Variants in EPB41L3 observed in about 807,000 individuals in gnomAD.
EPB41L3 encodes band 4.1-like protein 3.
In EPB41L3, 57 loss-of-function variants were observed where a neutral mutation model predicts 127.1. The ratio of observed to expected loss-of-function variants is 0.45; its 90% CI spans 0.36 to 0.56. The LOEUF is 0.56. Ranked by LOEUF, EPB41L3 falls within the 20% of genes least tolerant of loss-of-function variation. EPB41L3 has a pLI of 0.00. For missense variants in EPB41L3, 1,273 were observed against 1,372.2 expected (o/e 0.93, Z 1.14); for synonymous variants, 572 against 549.5 (o/e 1.04, Z -0.57).
chr18:5,608,701 A>T (rs2094691581), intron 3 of EPB41L3, among the ~76,000 whole-genome samples: 1 of 152,168 alleles, frequency 6.6e-6, no homozygotes, highest in South Asian at 2.1e-4. Context: ...TTTTCAGGGT[A>T]AATATCCAGG....
At chr18:5,491,492 A>C (rs2090590201) in intron 1 of EPB41L3, among the ~76,000 whole-genome samples, 1 of 152,260 alleles carries the variant, frequency 6.6e-6, no homozygotes, top group Non-Finnish European at 1.5e-5. Context: ...GCAGAGAGCC[A>C]GCAGTACACA....
chr18:5,454,209 GTTT>G (rs558597098), intron 3 of EPB41L3, among the ~76,000 whole-genome samples: 3 of 116,384 alleles, frequency 2.6e-5, no homozygotes, highest in African/African-American at 6.2e-5. Context: ...TTGTTTCCTT[GTTT>G]TTTTTTTTTT....
At chr18:5,533,894 G>A (rs902040411) in intron 1 of EPB41L3, among the ~76,000 whole-genome samples, 1 of 152,202 alleles carries the variant, frequency 6.6e-6, no homozygotes. Flanking sequence ...GCCGGGCGCC[G>A]TGGCTGACGC....
chr18:5,436,051 AAT>A (rs1390015247), intron 6 of EPB41L3, among the ~76,000 whole-genome samples: 3 of 152,200 alleles, frequency 2.0e-5, no homozygotes. Flanking sequence ...CCTACATAAA[AAT>A]ATGTTGATTT....
intron 3 of EPB41L3, among the ~76,000 whole-genome samples, chr18:5,603,861 G>A (rs956747239): frequency 6.6e-5 from 10 of 152,050 alleles, no homozygotes; most frequent in Non-Finnish European, 1.2e-4. Flanking sequence ...GTGAGGCCTT[G>A]TCTCAAAATT....
chr18:5,516,990 C>T (rs1260507214), intron 1 of EPB41L3, among the ~76,000 whole-genome samples: 1 of 152,118 alleles, frequency 6.6e-6, no homozygotes, highest in African/African-American at 2.4e-5. Context: ...ATATCTTAGT[C>T]GAGTCTCACA....
At chr18:5,629,756 C>G (rs1230558823), upstream of EPB41L3, among the ~76,000 whole-genome samples, 1 of 152,166 alleles carries the variant, frequency 6.6e-6, no homozygotes, top group East Asian at 1.9e-4. Context: ...AAGAACTGGC[C>G]AGCCCCACTC....
intron 3 of EPB41L3, among the ~76,000 whole-genome samples, chr18:5,560,978 TA>T (rs1303698458): frequency 8.7e-5 from 11 of 126,052 alleles, no homozygotes; most frequent in East Asian, 2.1e-4. Flanking sequence ...TTTATTTATT[TA>T]TTTATTTATT....
chr18:5,452,704 G>A (rs2082445831), intron 3 of EPB41L3, among the ~76,000 whole-genome samples: 1 of 151,814 alleles, frequency 6.6e-6, no homozygotes, highest in Non-Finnish European at 1.5e-5. Flanking sequence ...CTAAACTCTC[G>A]AAAGAAACGC....
At chr18:5,409,088 G>GC (rs144777418) in intron 14 of EPB41L3, among the ~76,000 whole-genome samples, 88 of 152,286 alleles carry the variant, frequency 5.8e-4, no homozygotes, top group African/African-American at 2.0e-3. Context: ...TGTTGTGCTG[G>GC]CCACCTATAG....
chr18:5,630,396 C>T (rs910408375), upstream of EPB41L3: 1 of 518,718 alleles, frequency 1.9e-6, no homozygotes, highest in African/African-American at 1.9e-5. Flanking sequence ...CGAAGCCTTC[C>T]TTTGGGGCCC....
rs564517911 is a variant in EPB41L3, at chr18:5,561,131, C to A, written c.-306+51209G>T. Among the ~76,000 whole-genome samples, 23 of 150,184 alleles carry A rather than the reference C, an allele frequency of 1.5e-4. 2 individuals are homozygous for A. In the South Asian group the frequency reaches 2.8e-3, roughly 18 times the overall value. On this transcript the variant is annotated intron_variant, in intron 3 of 21. Coordinates refer to the EPB41L3 transcript ENST00000545076. The stretch of plus-strand genomic sequence containing the variant: ...TAGCTGGGACTACAGGCGCCCGCCA[C>A]TACGCCCGGCTAATGTCTTGTATTT...
At chr18:5,454,208 TG>T (rs374716028) in intron 3 of EPB41L3, among the ~76,000 whole-genome samples, 9 of 148,404 alleles carry the variant, frequency 6.1e-5, no homozygotes, top group Non-Finnish European at 1.3e-4. Flanking sequence ...TTTGTTTCCT[TG>T]TTTTTTTTTT....
At chr18:5,553,527 G>T (rs972121316) in intron 3 of EPB41L3, among the ~76,000 whole-genome samples, 10 of 152,312 alleles carry the variant, frequency 6.6e-5, no homozygotes, top group African/African-American at 2.2e-4. Flanking sequence ...ATTTCAAAAA[G>T]CTGTGCCCAA....
chr18:5,606,882 TTCTCTCTCTCTCTC>T (rs59299599), intron 3 of EPB41L3, among the ~76,000 whole-genome samples: 3 of 141,540 alleles, frequency 2.1e-5, no homozygotes, highest in African/African-American at 7.8e-5. Context: ...CATGGCGTCA[TTCTCTCTCTCTCTC>T]TCTCTCTCTC....
At chr18:5,506,340 GC>G (rs1248299042) in intron 1 of EPB41L3, among the ~76,000 whole-genome samples, 2 of 152,024 alleles carry the variant, frequency 1.3e-5, no homozygotes, top group Non-Finnish European at 2.9e-5. Flanking sequence ...CTACTCCAAC[GC>G]CCTCATCATC....
chr18:5,483,667 G>T (rs1392580213), intron 2 of EPB41L3, among the ~76,000 whole-genome samples: 1 of 151,964 alleles, frequency 6.6e-6, no homozygotes. Context: ...AAAAAGAGCA[G>T]ATGTAGCTAT....
chr18:5,606,646 A>T (rs973718192), intron 3 of EPB41L3, among the ~76,000 whole-genome samples: 1 of 152,204 alleles, frequency 6.6e-6, no homozygotes, highest in Admixed American at 6.5e-5. Context: ...CATTAATACA[A>T]TATAAATATT....
chr18:5,406,013 A>G (rs112250188), intron 16 of EPB41L3, among the ~76,000 whole-genome samples: 2,085 of 152,164 alleles, frequency 0.014, 43 homozygotes, highest in African/African-American at 0.046. Context: ...ATCACTTAAG[A>G]CCTGGAGTTT....
Sources: allele counts gnomAD v4.1 joint callset (sites outside exome capture counted in the v4.1 genomes callset), GRCh38; gene constraint gnomAD v4.1.1; transcripts MANE v1.5; gene names NCBI Gene and HGNC (gene_info 2026-07-23, HGNC 2026-07-21).